The following MCF2L2 variants were observed in gnomAD, a reference collection of about 807,000 sequenced individuals.
MCF2L2 encodes the protein probable guanine nucleotide exchange factor MCF2L2.
Under a neutral mutation model 150.2 loss-of-function variants are expected in MCF2L2, and 102 were observed. That is an observed-to-expected ratio of 0.68 (90% confidence interval 0.58 to 0.80). The LOEUF is 0.80. Among genes scored for constraint, MCF2L2 ranks in the 30% least tolerant of loss-of-function variants. The probability of loss-of-function intolerance (pLI) is 0.00; values close to 1 mark genes in which losing one functional copy is unlikely to be tolerated. For synonymous variants in MCF2L2, 465 were observed against 491.3 expected (o/e 0.95, Z 0.71); for missense variants, 1,256 against 1,372.8 (o/e 0.91, Z 1.34).
At chr3:183,382,742 T>C (rs913152982) in intron 2 of MCF2L2, among the ~76,000 whole-genome samples, 2 of 152,242 alleles carry the variant, frequency 1.3e-5, no homozygotes, top group African/African-American at 4.8e-5. Flanking sequence ...TACTATGATT[T>C]TGTACCTTTT....
chr3:183,346,212 C>T (rs1034862133), intron 3 of MCF2L2, among the ~76,000 whole-genome samples: 1 of 152,168 alleles, frequency 6.6e-6, no homozygotes, highest in Non-Finnish European at 1.5e-5. Context: ...CATCAAAAAG[C>T]TTATCCACCA....
At chr3:183,272,509 T>A (rs541254857) in intron 15 of MCF2L2, 1 of 995,864 alleles carries the variant, frequency 1.0e-6, no homozygotes, top group Non-Finnish European at 1.2e-6. Context: ...TTTTAATGTT[T>A]ACAGAAATTT....
chr3:183,203,403 A>G (rs143335820), intron 25 of MCF2L2, among the ~76,000 whole-genome samples: 1,616 of 152,320 alleles, frequency 0.011, 33 homozygotes, highest in African/African-American at 0.037. Context: ...TAAAGGACGA[A>G]ACAGAAATTC....
chr3:183,239,247 G>A (rs1723895546), intron 15 of MCF2L2, among the ~76,000 whole-genome samples: 1 of 152,098 alleles, frequency 6.6e-6, no homozygotes, highest in Non-Finnish European at 1.5e-5. Context: ...TTACATCCGG[G>A]CACTTTGCTT....
intron 20 of MCF2L2, among the ~76,000 whole-genome samples, chr3:183,220,330 G>A (rs1723102544): frequency 1.3e-5 from 2 of 152,032 alleles, no homozygotes; most frequent in South Asian, 2.1e-4. Context: ...GTGGTAGAGT[G>A]TTATATCTTA....
intron 6 of MCF2L2, among the ~76,000 whole-genome samples, chr3:183,319,696 T>C (rs190616172): frequency 2.6e-3 from 393 of 152,368 alleles, no homozygotes; most frequent in African/African-American, 9.0e-3. Context: ...AGCTCTCAGG[T>C]GACCAGGTGA....
chr3:183,218,280 C>T (rs1462399638), intron 21 of MCF2L2, among the ~76,000 whole-genome samples: 2 of 152,202 alleles, frequency 1.3e-5, no homozygotes, highest in African/African-American at 4.8e-5. Context: ...AAAGAAGCTT[C>T]GCTTCCTGGT....
intron 1 of MCF2L2, among the ~76,000 whole-genome samples, chr3:183,408,296 G>A (rs1577132306): frequency 6.6e-6 from 1 of 152,186 alleles, no homozygotes; most frequent in African/African-American, 2.4e-5. Context: ...GGGACTCCAC[G>A]AGCGACCTGG....
At chr3:183,330,595 C>T (rs963891883) in intron 5 of MCF2L2, among the ~76,000 whole-genome samples, 2 of 152,038 alleles carry the variant, frequency 1.3e-5, no homozygotes, top group South Asian at 2.1e-4. Context: ...GATAACACCA[C>T]GCATTTGTCA....
chr3:183,342,867 G>T (rs912751110), intron 3 of MCF2L2, among the ~76,000 whole-genome samples: 2 of 152,092 alleles, frequency 1.3e-5, no homozygotes, highest in African/African-American at 4.8e-5. Flanking sequence ...TAAAAGGTGG[G>T]CTTTACCCTA....
intron 1 of MCF2L2, among the ~76,000 whole-genome samples, chr3:183,417,352 TATG>T (rs1715654378): frequency 6.6e-6 from 1 of 152,122 alleles, no homozygotes; most frequent in Admixed American, 6.5e-5. Flanking sequence ...CTCTTCAACT[TATG>T]ATGAAGTTAC....
At chr3:183,393,801 A>G (rs1459705510) in intron 1 of MCF2L2, among the ~76,000 whole-genome samples, 1 of 152,234 alleles carries the variant, frequency 6.6e-6, no homozygotes, top group East Asian at 1.9e-4. Flanking sequence ...CTGAGAGAGC[A>G]GCATGCGCTC....
At chr3:183,409,456 C>T (rs1715208565) in intron 1 of MCF2L2, among the ~76,000 whole-genome samples, 3 of 151,968 alleles carry the variant, frequency 2.0e-5, no homozygotes, top group Admixed American at 2.0e-4. Flanking sequence ...TATAAATAGA[C>T]TGCACTTACC....
chr3:183,212,834 G>A (rs917640326), intron 22 of MCF2L2, among the ~76,000 whole-genome samples: 2 of 151,716 alleles, frequency 1.3e-5, no homozygotes, highest in African/African-American at 2.4e-5. Flanking sequence ...CCCATATAAC[G>A]TACCACTAGG....
intron 4 of MCF2L2, among the ~76,000 whole-genome samples, 195 bp downstream of exon 4, chr3:183,341,345 G>C (rs1223296195): frequency 6.6e-6 from 1 of 152,202 alleles, no homozygotes; most frequent in Non-Finnish European, 1.5e-5. Context: ...GGAAGTCTTT[G>C]ACATGCTCAG....
chr3:183,203,754 A>G (rs962361173), intron 25 of MCF2L2, among the ~76,000 whole-genome samples: 1 of 151,898 alleles, frequency 6.6e-6, no homozygotes, highest in Non-Finnish European at 1.5e-5. Context: ...ACTCCAAGAA[A>G]TATAAATTCA....
At chr3:183,240,591 A>G (rs1013068182) in intron 15 of MCF2L2, among the ~76,000 whole-genome samples, 3 of 152,150 alleles carry the variant, frequency 2.0e-5, no homozygotes, top group Admixed American at 1.3e-4. Flanking sequence ...AGTTCCTTCT[A>G]AGAGTTTAAG....
chr3:183,274,965 GTT>G (rs763718357), intron 15 of MCF2L2, among the ~76,000 whole-genome samples: 7 of 143,510 alleles, frequency 4.9e-5, no homozygotes, highest in African/African-American at 1.8e-4. Flanking sequence ...CTATAGCTTG[GTT>G]TTTTTTTTTT....
chr3:183,269,229 G>GATTTTTTTTTTTTTTTTT (rs1305607255), intron 15 of MCF2L2, among the ~76,000 whole-genome samples: 1 of 77,022 alleles, frequency 1.3e-5, no homozygotes, highest in African/African-American at 1.1e-4. Flanking sequence ...CGTTTGGGAA[G>GATTTTTTTTTTTTTTTTT]CTTTTTTTTT....
Sources: allele counts gnomAD v4.1 joint callset (sites outside exome capture counted in the v4.1 genomes callset), GRCh38; gene constraint gnomAD v4.1.1; transcripts MANE v1.5; gene names NCBI Gene and HGNC (gene_info 2026-07-23, HGNC 2026-07-21).